Variants in MACROD2 observed in about 807,000 individuals in gnomAD.
The protein encoded by MACROD2 is ADP-ribose glycohydrolase MACROD2.
MACROD2 carries 36 observed loss-of-function variants against 70.4 expected under a neutral mutation model. The ratio of observed to expected loss-of-function variants is 0.51; its 90% CI spans 0.39 to 0.68. The LOEUF is 0.68. Ranked by LOEUF, MACROD2 falls within the 30% of genes least tolerant of loss-of-function variation. MACROD2 has a pLI of 0.00. For synonymous variants in MACROD2, 172 were observed against 178.8 expected (o/e 0.96, Z 0.30); for missense variants, 496 against 538.4 (o/e 0.92, Z 0.78).
intron 3 of MACROD2, among the ~76,000 whole-genome samples, chr20:14,272,898 G>A (rs1445578022): frequency 3.3e-5 from 5 of 152,058 alleles, no homozygotes; most frequent in Non-Finnish European, 7.4e-5. Context: ...AGACAAGGAA[G>A]GCCATTACAT....
At chr20:15,795,518 A>G (rs2063664923) in intron 8 of MACROD2, among the ~76,000 whole-genome samples, 2 of 152,056 alleles carry the variant, frequency 1.3e-5, no homozygotes, top group Non-Finnish European at 2.9e-5. Context: ...GTTGCCCGCC[A>G]TTGTCTGGAG....
At chr20:15,744,731 C>CT (rs2051156521) in intron 8 of MACROD2, among the ~76,000 whole-genome samples, 1 of 139,126 alleles carries the variant, frequency 7.2e-6, no homozygotes, top group Non-Finnish European at 1.6e-5. Flanking sequence ...CACACACACA[C>CT]ACACACTACA....
chr20:14,801,246 C>T (rs992554249), intron 5 of MACROD2, among the ~76,000 whole-genome samples: 14 of 152,122 alleles, frequency 9.2e-5, no homozygotes, highest in Admixed American at 3.3e-4. Context: ...GTTTCCCCTG[C>T]GCCCCTCAGC....
intron 3 of MACROD2, among the ~76,000 whole-genome samples, chr20:14,412,340 A>T (rs1017833251): frequency 6.6e-6 from 1 of 152,172 alleles, no homozygotes; most frequent in Non-Finnish European, 1.5e-5. Context: ...TCAATTAAAG[A>T]TGTCATGTTG....
chr20:15,620,128 G>A (rs2049104085), intron 8 of MACROD2, among the ~76,000 whole-genome samples: 1 of 152,202 alleles, frequency 6.6e-6, no homozygotes, highest in Non-Finnish European at 1.5e-5. Flanking sequence ...CAGAAGATAT[G>A]TGACTGCATG....
intron 8 of MACROD2, among the ~76,000 whole-genome samples, chr20:15,699,331 A>T (rs2050421574): frequency 6.6e-6 from 1 of 152,052 alleles, no homozygotes; most frequent in Non-Finnish European, 1.5e-5. Flanking sequence ...GCTGAACTGC[A>T]GTAATTGTCT....
chr20:15,076,612 T>G (rs575962537), intron 5 of MACROD2, among the ~76,000 whole-genome samples: 69 of 152,310 alleles, frequency 4.5e-4, no homozygotes, highest in African/African-American at 1.6e-3. Context: ...GTAGGAGATA[T>G]AGCTACAAAT....
At chr20:14,580,416 A>G (rs1024110385) in intron 4 of MACROD2, among the ~76,000 whole-genome samples, 13 of 147,780 alleles carry the variant, frequency 8.8e-5, no homozygotes, top group Admixed American at 6.2e-4. Flanking sequence ...GAATAAATAG[A>G]ATTTGATTCT....
At chr20:15,943,579 A>G (rs1234888276) in intron 12 of MACROD2, among the ~76,000 whole-genome samples, 1 of 152,168 alleles carries the variant, frequency 6.6e-6, no homozygotes, top group Admixed American at 6.5e-5. Flanking sequence ...AAGGGGAAAG[A>G]ACTAAGATAC....
At chr20:15,385,521 T>C (rs1368938390) in intron 6 of MACROD2, among the ~76,000 whole-genome samples, 1 of 152,154 alleles carries the variant, frequency 6.6e-6, no homozygotes, top group East Asian at 1.9e-4. Flanking sequence ...ACCTGTTTAT[T>C]TCCCTACATC....
At chr20:14,347,612 G>C (rs2083077401) in intron 3 of MACROD2, among the ~76,000 whole-genome samples, 1 of 152,108 alleles carries the variant, frequency 6.6e-6, no homozygotes, top group African/African-American at 2.4e-5. Flanking sequence ...GAAGAGAGAT[G>C]AGGCTTTCCA....
At chr20:14,419,889 A>G (rs2083855975) in intron 3 of MACROD2, among the ~76,000 whole-genome samples, 1 of 152,044 alleles carries the variant, frequency 6.6e-6, no homozygotes, top group Admixed American at 6.5e-5. Flanking sequence ...GAAAGTTGAC[A>G]TAGTGTTACA....
intron 5 of MACROD2, chr20:14,893,661 G>A (rs772672429): frequency 6.6e-6 from 1 of 151,764 alleles, no homozygotes; most frequent in Non-Finnish European, 1.5e-5. Context: ...TTGGTTACTA[G>A]CCAGTTTATA....
intron 4 of MACROD2, among the ~76,000 whole-genome samples, chr20:14,523,968 T>C (rs901942151): frequency 2.6e-5 from 4 of 152,246 alleles, no homozygotes; most frequent in Admixed American, 6.5e-5. Flanking sequence ...GTTGTTCATC[T>C]AGAGTTAATC....
intron 5 of MACROD2, among the ~76,000 whole-genome samples, chr20:15,137,087 A>C (rs1441329285): frequency 4.1e-5 from 6 of 148,064 alleles, no homozygotes; most frequent in East Asian, 4.0e-4. Context: ...GTGGAGAAAT[A>C]GGAACACTTT....
intron 8 of MACROD2, among the ~76,000 whole-genome samples, chr20:15,539,038 T>A (rs933419950): frequency 6.6e-6 from 1 of 152,226 alleles, no homozygotes; most frequent in African/African-American, 2.4e-5. Flanking sequence ...TATACTTTAG[T>A]CACTTAAAAC....
intron 3 of MACROD2, among the ~76,000 whole-genome samples, chr20:14,192,554 C>A (rs2081397260): frequency 6.6e-6 from 1 of 152,096 alleles, no homozygotes; most frequent in African/African-American, 2.4e-5. Context: ...CAGGACAGAT[C>A]TAGTTAGGCA....
chr20:15,443,452 C>T (rs1311731436), intron 7 of MACROD2, among the ~76,000 whole-genome samples: 1 of 152,132 alleles, frequency 6.6e-6, no homozygotes, highest in African/African-American at 2.4e-5. Context: ...GAGTTTCCTA[C>T]AAGTGACTGC....
At chr20:16,027,855 C>A (rs2067101544) in intron 15 of MACROD2, among the ~76,000 whole-genome samples, 1 of 152,138 alleles carries the variant, frequency 6.6e-6, no homozygotes, top group Non-Finnish European at 1.5e-5. Context: ...GCTGGAAAGA[C>A]CCTGATCTGA....
Sources: gnomAD v4.1 joint callset for allele counts (sites outside exome capture counted in the v4.1 genomes callset) on GRCh38, gnomAD v4.1.1 for gene constraint, MANE v1.5 for transcripts, NCBI Gene and HGNC (gene_info 2026-07-23, HGNC 2026-07-21) for gene names.